Variants in GRID1 observed in about 807,000 individuals in gnomAD.
The protein encoded by GRID1 is glutamate receptor ionotropic, delta-1.
Under a neutral mutation model 98.0 loss-of-function variants are expected in GRID1, and 28 were observed. The ratio of observed to expected loss-of-function variants is 0.29; its 90% CI spans 0.21 to 0.39. The LOEUF (loss-of-function observed/expected upper bound fraction) is 0.39. Ranked by LOEUF, GRID1 falls within the 10% of genes least tolerant of loss-of-function variation. The probability of loss-of-function intolerance (pLI) is 1.00; values close to 1 mark genes in which losing one functional copy is unlikely to be tolerated. For synonymous variants in GRID1, 553 were observed against 538.5 expected (o/e 1.03, Z -0.37); for missense variants, 1,111 against 1,340.5 (o/e 0.83, Z 2.67).
intron 4 of GRID1, among the ~76,000 whole-genome samples, chr10:85,983,636 C>T (rs558967178): frequency 6.6e-6 from 1 of 152,288 alleles, no homozygotes; most frequent in African/African-American, 2.4e-5. Context: ...TGCCCATCCT[C>T]TCCTGGGCCA....
At position 86,365,554 on chromosome 10, in the gene GRID1, C is replaced by G. The variant is rs1045893050; in HGVS notation, c.79+760G>C. Among the ~76,000 whole-genome samples, 1 of 152,020 alleles carries G rather than the reference C, an allele frequency of 6.6e-6. No homozygotes were observed. The highest frequency in any genetic ancestry group is 1.5e-5 in the Non-Finnish European group (1 of 68,000). The stretch of plus-strand genomic sequence containing the variant: ...TCCCGCTCAGCATCCCCCTACCCCC[C>G]GCTGCCCACGCTTCTTCCCTCGGCT... On this transcript the variant is annotated intron_variant, in intron 1 of 15. Coordinates refer to ENST00000327946, the MANE Select transcript of GRID1 (RefSeq NM_017551.3). This position sits in a 1 kb window ranked among gnomAD's most constrained non-coding sequence, Gnocchi z 4.8.
chr10:86,230,904 T>TAC (rs2132035781), intron 2 of GRID1, among the ~76,000 whole-genome samples: 1 of 152,262 alleles, frequency 6.6e-6, no homozygotes, highest in East Asian at 1.9e-4. Context: ...ACATGAGTAA[T>TAC]ACACACACAT....
intron 4 of GRID1, among the ~76,000 whole-genome samples, chr10:86,017,756 A>G (rs1236373438): frequency 1.3e-5 from 2 of 152,232 alleles, no homozygotes; most frequent in Non-Finnish European, 2.9e-5. Flanking sequence ...GTGAATGATT[A>G]GTAGTTCTGA....
At chr10:85,947,998 T>C (rs868544896) in intron 4 of GRID1, among the ~76,000 whole-genome samples, 1 of 152,346 alleles carries the variant, frequency 6.6e-6, no homozygotes, top group African/African-American at 2.4e-5. Flanking sequence ...GGTTAAAGCC[T>C]ACCATAGGAG....
At chr10:86,138,109 G>A (rs1447022025) in intron 4 of GRID1, among the ~76,000 whole-genome samples, 2 of 152,068 alleles carry the variant, frequency 1.3e-5, no homozygotes, top group Non-Finnish European at 2.9e-5. Flanking sequence ...AGGCCAGAGG[G>A]AGACCTGCCA....
intron 8 of GRID1, among the ~76,000 whole-genome samples, chr10:85,848,826 G>C (rs924612477): frequency 6.6e-6 from 1 of 152,064 alleles, no homozygotes; most frequent in East Asian, 1.9e-4. Context: ...TCAGTTCTCG[G>C]CTCTGTCAAA....
intron 2 of GRID1, among the ~76,000 whole-genome samples, chr10:86,253,713 A>G (rs1048330783): frequency 1.3e-5 from 2 of 152,160 alleles, no homozygotes; most frequent in African/African-American, 4.8e-5. Flanking sequence ...TGGGAGCTGG[A>G]GCCACCTTCA....
At chr10:85,686,178 T>C (rs77478654) in intron 12 of GRID1, among the ~76,000 whole-genome samples, 4,957 of 152,204 alleles carry the variant, frequency 0.033, 127 homozygotes, top group Middle Eastern at 0.048. Flanking sequence ...AATAGATCAC[T>C]GGAGGAGAAA....
intron 2 of GRID1, among the ~76,000 whole-genome samples, chr10:86,347,360 G>A (rs746961069): frequency 3.3e-5 from 5 of 152,050 alleles, no homozygotes; most frequent in Admixed American, 6.6e-5. Flanking sequence ...CCCATCTACC[G>A]TGCCTCTTTC....
chr10:85,694,470 C>T (rs888878198), intron 12 of GRID1, among the ~76,000 whole-genome samples: 2 of 149,244 alleles, frequency 1.3e-5, no homozygotes, highest in Non-Finnish European at 3.0e-5. Context: ...CTGTTCACTG[C>T]AGCACTGTTC....
chr10:85,689,028 C>T (rs944194759), intron 12 of GRID1, among the ~76,000 whole-genome samples: 41 of 152,264 alleles, frequency 2.7e-4, no homozygotes, highest in Middle Eastern at 3.4e-3. Context: ...TGTTCCACCC[C>T]GTTGATATCA....
At position 85,982,405 on chromosome 10, in the gene GRID1, A is replaced by G. The variant is rs577974576; in HGVS notation, c.727-66166T>C. On this transcript the variant is annotated intron_variant, in intron 4 of 15. Transcript: ENST00000327946. ...TTTAAGCAACAGTGATCTGACTTATACTTAAGAGGATTAGACCAGGTGCTA... is the reference window on the plus strand; with the variant it reads ...TTTAAGCAACAGTGATCTGACTTATGCTTAAGAGGATTAGACCAGGTGCTA... Among the ~76,000 whole-genome samples the G allele has an allele frequency of 5.4e-3, 817 of 152,340 alleles. 7 individuals carry two copies. Among genetic ancestry groups the G allele is most frequent in the South Asian group, 0.011 (55 of 4,822 alleles).
chr10:86,139,083 G>T (rs1844974631), intron 3 of GRID1, 59 bp from the exon 4 acceptor site: 1 of 1,201,430 alleles, frequency 8.3e-7, no homozygotes, highest in Non-Finnish European at 1.2e-6. Flanking sequence ...AATGCACCCG[G>T]GAGGGTGTCT....
At chr10:85,980,449 T>G (rs1336852612) in intron 4 of GRID1, among the ~76,000 whole-genome samples, 1 of 152,256 alleles carries the variant, frequency 6.6e-6, no homozygotes, top group Admixed American at 6.5e-5. Flanking sequence ...AGAAATGACT[T>G]GTCCAAGGTT....
intron 2 of GRID1, among the ~76,000 whole-genome samples, chr10:86,294,990 A>C (rs2132077653): frequency 6.6e-6 from 1 of 152,278 alleles, no homozygotes; most frequent in Middle Eastern, 3.4e-3. Context: ...AAGGACTGAG[A>C]TTGGGCCACT....
At chr10:85,764,377 C>A in intron 8 of GRID1, among the ~76,000 whole-genome samples, 1 of 152,154 alleles carries the variant, frequency 6.6e-6, no homozygotes, top group East Asian at 1.9e-4. Context: ...TTCAAATGGC[C>A]CCGCATAGCA....
chr10:85,605,543 T>C (rs1220009527), intron 15 of GRID1: 1 of 152,160 alleles, frequency 6.6e-6, no homozygotes, highest in African/African-American at 2.4e-5. Flanking sequence ...TCCTCTTTTC[T>C]AATTTCCCTT....
intron 12 of GRID1, among the ~76,000 whole-genome samples, chr10:85,662,900 C>T (rs1211214483): frequency 6.6e-6 from 1 of 152,126 alleles, no homozygotes; most frequent in Non-Finnish European, 1.5e-5. Flanking sequence ...ACTTGTCCCA[C>T]TTAGTCCTCC....
rs116361551 is a variant in GRID1, at chr10:85,785,935, G to A, written c.1234-56321C>T. ...CCCCACAGACACACACACATCACAC[G>A]CACACACCACATACACACACGTGTA... On this transcript the variant is annotated intron_variant, in intron 8 of 15. Coordinates refer to ENST00000327946, the MANE Select transcript of GRID1 (RefSeq NM_017551.3). 4.5e-3 allele frequency among the ~76,000 whole-genome samples: 667 copies of A among 149,870 alleles called. 6 individuals carry two copies. Among genetic ancestry groups the A allele is most frequent in the African/African-American group, 0.015 (629 of 40,814 alleles).
Sources: allele counts gnomAD v4.1 joint callset (sites outside exome capture counted in the v4.1 genomes callset), GRCh38; gene constraint gnomAD v4.1.1; non-coding constraint Gnocchi (gnomAD v3.1); transcripts MANE v1.5; gene names NCBI Gene and HGNC (gene_info 2026-07-23, HGNC 2026-07-21).